The following UVRAG variants were observed in gnomAD, a reference collection of about 807,000 sequenced individuals.
UVRAG encodes the protein UV radiation resistance-associated gene protein.
UVRAG carries 19 observed loss-of-function variants against 78.0 expected under a neutral mutation model. That is an observed-to-expected ratio of 0.24 (90% confidence interval 0.17 to 0.36). The LOEUF (loss-of-function observed/expected upper bound fraction) is 0.36, where lower values mean the gene tolerates loss of function less well. Ranked by LOEUF, UVRAG falls within the 10% of genes least tolerant of loss-of-function variation. The pLI is 1.00. For synonymous variants in UVRAG, 323 were observed against 324.6 expected (o/e 1.00, Z 0.05); for missense variants, 740 against 853.8 (o/e 0.87, Z 1.66).
At chr11:75,836,016 G>A (rs1005743127) in intron 1 of UVRAG, among the ~76,000 whole-genome samples, 5 of 151,928 alleles carry the variant, frequency 3.3e-5, no homozygotes, top group Admixed American at 2.6e-4. Flanking sequence ...CAGGAGAATC[G>A]CTTGAACCCG....
chr11:76,078,077 T>G (rs577109937), intron 13 of UVRAG, among the ~76,000 whole-genome samples: 32 of 152,328 alleles, frequency 2.1e-4, no homozygotes, highest in African/African-American at 7.7e-4. Flanking sequence ...ATATAAATTC[T>G]CACTATACTT....
intron 13 of UVRAG, among the ~76,000 whole-genome samples, chr11:76,107,867 A>G (rs941037254): frequency 2.0e-5 from 3 of 152,086 alleles, no homozygotes; most frequent in African/African-American, 7.2e-5. Flanking sequence ...ATGGATTGAA[A>G]TAGTGGTAAC....
chr11:75,878,847 C>T (rs1226109510), intron 3 of UVRAG, among the ~76,000 whole-genome samples: 3 of 125,020 alleles, frequency 2.4e-5, no homozygotes, highest in East Asian at 4.9e-4. Flanking sequence ...AGAGGGAGAC[C>T]ATGGAAAGAG....
intron 13 of UVRAG, among the ~76,000 whole-genome samples, chr11:76,104,777 C>T (rs553829565): frequency 6.6e-6 from 1 of 152,268 alleles, no homozygotes; most frequent in African/African-American, 2.4e-5. Flanking sequence ...GGTCACTATA[C>T]GTGGCTGGGG....
intron 8 of UVRAG, among the ~76,000 whole-genome samples, chr11:75,987,748 T>C (rs1312295827): frequency 6.6e-6 from 1 of 152,176 alleles, no homozygotes; most frequent in African/African-American, 2.4e-5. Context: ...ACTGTTTTTT[T>C]TTTTTGAGAT....
intron 5 of UVRAG, among the ~76,000 whole-genome samples, chr11:75,895,799 T>G (rs1947331904): frequency 2.0e-5 from 3 of 152,162 alleles, no homozygotes; most frequent in South Asian, 4.1e-4. Context: ...CTTAAGTATT[T>G]AATAGCAATT....
chr11:76,063,131 T>G (rs189937473), intron 12 of UVRAG, among the ~76,000 whole-genome samples: 24 of 152,380 alleles, frequency 1.6e-4, no homozygotes, highest in African/African-American at 5.3e-4. Flanking sequence ...CAAATATTTA[T>G]TGCGTTCTGC....
At chr11:76,023,641 T>C (rs1028379784) in intron 12 of UVRAG, among the ~76,000 whole-genome samples, 1 of 152,056 alleles carries the variant, frequency 6.6e-6, no homozygotes, top group Non-Finnish European at 1.5e-5. Context: ...AAAAATGAGG[T>C]GTCATACTGA....
chr11:75,985,154 C>CTTTTTTTTTTTTTTTTTTT (rs796594987), intron 8 of UVRAG, among the ~76,000 whole-genome samples: 1 of 128,608 alleles, frequency 7.8e-6, no homozygotes, highest in African/African-American at 2.8e-5. Context: ...AATTTCTTTT[C>CTTTTTTTTTTTTTTTTTTT]TTTTTTTTTT....
chr11:76,141,251 T>C lies in UVRAG; in HGVS notation c.1938T>C (p.Gly646=). The change falls in exon 15 of 15, where the codon GGT becomes GGC. Residue 646 remains glycine (G), a synonymous_variant. Transcript: ENST00000356136. ...IGLEATGFAS[G]DQLEAFNCIP... The stretch of plus-strand genomic sequence containing the variant: ...TGGAAGCCACAGGTTTCGCCTCAGG[T>C]GATCAGCTAGAAGCATTTAACTGCA... The C allele has an allele frequency of 1.2e-6, 2 of 1,614,136 alleles. No individual in the cohort carries two copies. Among genetic ancestry groups the C allele is most frequent in the Non-Finnish European group, 1.7e-6 (2 of 1,180,026 alleles).
chr11:75,881,134 AATTTTT>A (rs1226266199), intron 4 of UVRAG, among the ~76,000 whole-genome samples: 1 of 151,702 alleles, frequency 6.6e-6, no homozygotes, highest in Admixed American at 6.6e-5. Context: ...ATGCCCAGCT[AATTTTT>A]ATTTTTATTT....
At chr11:76,047,175 A>G (rs1448970215) in intron 12 of UVRAG, among the ~76,000 whole-genome samples, 1 of 152,220 alleles carries the variant, frequency 6.6e-6, no homozygotes, top group Non-Finnish European at 1.5e-5. Context: ...CTGATATCTC[A>G]TAGAAGCACC....
intron 3 of UVRAG, among the ~76,000 whole-genome samples, chr11:75,879,201 C>A (rs964797083): frequency 3.3e-5 from 5 of 152,166 alleles, no homozygotes; most frequent in Non-Finnish European, 7.4e-5. Flanking sequence ...CATAAAAGAT[C>A]CTTCAGTTCA....
rs74987742 is a variant in UVRAG, at chr11:75,931,493, A to G, written c.593+19454A>G. 6.4e-4 allele frequency among the ~76,000 whole-genome samples: 98 copies of G among 152,274 alleles called. 1 individual carries two copies. The Middle Eastern group carries it at 0.01, about 16-fold the overall frequency. On this transcript the variant is annotated intron_variant, in intron 6 of 14. Transcript: ENST00000356136. ...GTTCCCCAAACAAACTTAGCCCCCAATTGCACCTGGCATATTTTAAAAAAT... is the reference window on the plus strand; with the variant it reads ...GTTCCCCAAACAAACTTAGCCCCCAGTTGCACCTGGCATATTTTAAAAAAT...
At chr11:76,074,517 G>A (rs1951370525) in intron 13 of UVRAG, among the ~76,000 whole-genome samples, 1 of 152,112 alleles carries the variant, frequency 6.6e-6, no homozygotes. Context: ...AAATAATAAT[G>A]ATGATTTACA....
intron 3 of UVRAG, among the ~76,000 whole-genome samples, chr11:75,875,671 TC>T: frequency 6.6e-6 from 1 of 152,114 alleles, no homozygotes; most frequent in South Asian, 2.1e-4. Flanking sequence ...CTGTGTAATT[TC>T]TTCTTCCAAG....
At chr11:76,061,476 T>C (rs1445600832) in intron 12 of UVRAG, among the ~76,000 whole-genome samples, 1 of 152,190 alleles carries the variant, frequency 6.6e-6, no homozygotes, top group Admixed American at 6.5e-5. Context: ...TAAATCTTGC[T>C]GCTGCTCGCT....
At chr11:75,997,472 G>A (rs1477379407) in intron 8 of UVRAG, among the ~76,000 whole-genome samples, 1 of 152,222 alleles carries the variant, frequency 6.6e-6, no homozygotes, top group East Asian at 1.9e-4. Context: ...TAACAGAGTA[G>A]AACATTGATA....
intron 12 of UVRAG, among the ~76,000 whole-genome samples, chr11:76,029,015 CTT>C (rs1394300498): frequency 2.2e-5 from 3 of 134,036 alleles, no homozygotes; most frequent in South Asian, 3.0e-4. Flanking sequence ...AAAGCTGACT[CTT>C]TTATTAGGGG....
Sources: allele counts gnomAD v4.1 joint callset (sites outside exome capture counted in the v4.1 genomes callset), GRCh38; gene constraint gnomAD v4.1.1; transcripts MANE v1.5; gene names NCBI Gene and HGNC (gene_info 2026-07-23, HGNC 2026-07-21).